The following PHACTR2 variants were observed in gnomAD, a reference collection of about 807,000 sequenced individuals.
The protein encoded by PHACTR2 is chromosome 6 open reading frame 56.
Under a neutral mutation model 76.0 loss-of-function variants are expected in PHACTR2, and 30 were observed. The observed-to-expected ratio is 0.39, with a 90% CI of 0.30 to 0.54. The LOEUF (loss-of-function observed/expected upper bound fraction) is 0.54, where lower values mean the gene tolerates loss of function less well. Among genes scored for constraint, PHACTR2 ranks in the 20% least tolerant of loss-of-function variants. The pLI is 0.61. For missense variants in PHACTR2, 696 were observed against 781.1 expected (o/e 0.89, Z 1.30); for synonymous variants, 292 against 292.5 (o/e 1.00, Z 0.02).
In PHACTR2 at chr6:143,556,854, ATTC is replaced by A. The variant is rs1775181542; in HGVS notation, c.217+19650_217+19652del. On this transcript the variant is annotated intron_variant, in intron 1 of 11. Transcript: ENST00000367584. This position sits in a 1 kb window ranked among gnomAD's most constrained non-coding sequence, Gnocchi z 4.3. ...TAAAGTGTGTCATTTAAGAGTAAGT[ATTC>A]TTTTTTAAAAATATGGGCCAGGAAC... 1.3e-5 allele frequency among the ~76,000 whole-genome samples: 2 copies of A among 152,220 alleles called. No individual in the cohort carries two copies. The highest frequency in any genetic ancestry group is 2.9e-5 in the Non-Finnish European group (2 of 68,034).
intron 1 of PHACTR2, among the ~76,000 whole-genome samples, chr6:143,669,700 C>CT (rs140729663): frequency 0.2 from 30,035 of 149,156 alleles, 3,496 homozygotes; most frequent in Middle Eastern, 0.32. Flanking sequence ...GCAACCCCTG[C>CT]TTTTTTTTTT....
rs1013882674 is a variant in PHACTR2, at chr6:143,818,623, G to T, written c.1923-5051G>T. Among the ~76,000 whole-genome samples the T allele has an allele frequency of 3.9e-5, 6 of 152,164 alleles. No homozygotes were observed. In the East Asian group the frequency reaches 1.2e-3, roughly 29 times the overall value. ...TGACTCACAGTTCCATGTGGCTGGG[G>T]AGGTCTCAGGAAACCTGCAATCCTG... On this transcript the variant is annotated intron_variant, in intron 12 of 12. Coordinates refer to ENST00000440869, the MANE Select transcript of PHACTR2 (RefSeq NM_001100164.2). This position sits in a 1 kb window ranked among gnomAD's most constrained non-coding sequence, Gnocchi z 4.9.
chr6:143,797,687 T>C (rs1407454064), intron 11 of PHACTR2, among the ~76,000 whole-genome samples: 1 of 152,200 alleles, frequency 6.6e-6, no homozygotes, highest in Non-Finnish European at 1.5e-5. Context: ...CCATCGCTTG[T>C]ATGTGTCAGG....
upstream of PHACTR2, among the ~76,000 whole-genome samples, chr6:143,674,999 A>G (rs1467553195): frequency 2.0e-5 from 3 of 152,192 alleles, no homozygotes; most frequent in East Asian, 5.8e-4. This position sits in a 1 kb window ranked among gnomAD's most constrained non-coding sequence, Gnocchi z 4.9. Flanking sequence ...TCCATCCAGG[A>G]GGAGTGCAAG....
At chr6:143,666,097 A>G (rs1777029195) in intron 1 of PHACTR2, among the ~76,000 whole-genome samples, 2 of 149,326 alleles carry the variant, frequency 1.3e-5, no homozygotes. Context: ...CTCATTGTTC[A>G]ACTCCCACTT....
rs565556028 is a variant in PHACTR2, at chr6:143,698,819, G to A, written c.47-13197G>A. ...AATAGCTGCTCAGTTAATTGTGCAT[G>A]AATGTTTCCGTTCCACAGTGAACAC... On this transcript the variant is annotated intron_variant, in intron 1 of 12. Transcript: ENST00000440869. This position sits in a 1 kb window ranked among gnomAD's most constrained non-coding sequence, Gnocchi z 4.3. Among the ~76,000 whole-genome samples, 1 of 152,332 alleles carries A rather than the reference G, an allele frequency of 6.6e-6. No homozygotes were observed. The highest frequency in any genetic ancestry group is 2.4e-5 in the African/African-American group (1 of 41,570).
In PHACTR2 at chr6:143,765,513, T is replaced by G. The variant is rs1284166134; in HGVS notation, c.947T>G (p.Leu316Arg). 1 of 1,614,170 alleles carries G rather than the reference T, an allele frequency of 6.2e-7. No individual in the cohort carries two copies. Among genetic ancestry groups the G allele is most frequent in the Admixed American group, 1.7e-5 (1 of 60,022 alleles). The part of the protein sequence containing the change: ...PAETRVESFK[L>R]EQTVPGAEEQ... Reference sequence around the variant, plus strand: ...GAGACCAGAGTGGAGAGTTTCAAACTCGAACAGACTGTCCCTGGAGCTGAG... The same window carrying G: ...GAGACCAGAGTGGAGAGTTTCAAACGCGAACAGACTGTCCCTGGAGCTGAG... The change falls in exon 6 of 13, where the codon CTC becomes CGC. Residue 316 changes from leucine to arginine, a missense_variant. Leu to Arg is a moderately radical substitution (Grantham distance 102). Coordinates refer to ENST00000440869, the MANE Select transcript of PHACTR2 (RefSeq NM_001100164.2). The surrounding 1 kb of genome is among the most constrained non-coding windows in gnomAD (Gnocchi z 4.1).
rs1337194595 is a variant in PHACTR2 at position 143,783,118 on chromosome 6, C to T, written c.1646-101C>T. The T allele has an allele frequency of 4.7e-6, 3 of 641,284 alleles. No homozygotes were observed. Among genetic ancestry groups the T allele is most frequent in the African/African-American group, 3.7e-5 (2 of 53,542 alleles). 39.7% of individuals were successfully genotyped at this position (641,284 alleles called of 1,614,324 possible). A position where few individuals can be genotyped will look rare whatever the true frequency, so the allele number is the denominator to read the frequency against. On this transcript the variant is annotated intron_variant, in intron 9 of 12. Coordinates refer to ENST00000440869, the MANE Select transcript of PHACTR2 (RefSeq NM_001100164.2). This position sits in a 1 kb window ranked among gnomAD's most constrained non-coding sequence, Gnocchi z 5.2. ...TAACAATGTTGGTTGTGTGTTTGAT[C>T]ATTATTTGTTAGAGTCACATGATCG...
rs1775051277 is a variant in PHACTR2, at chr6:143,549,222, G to A, written c.217+12015G>A. The stretch of plus-strand genomic sequence containing the variant: ...ATTCCTTCAGGAAGATTAATAGTGG[G>A]CCTCACATGGCAGATCAGGCCTAGG... On this transcript the variant is annotated intron_variant, in intron 1 of 11. Coordinates refer to the PHACTR2 transcript ENST00000367584. The surrounding 1 kb of genome is among the most constrained non-coding windows in gnomAD (Gnocchi z 4.2). 6.6e-6 allele frequency among the ~76,000 whole-genome samples: 1 copy of A among 151,982 alleles called. No individual in the cohort carries two copies. The highest frequency in any genetic ancestry group is 1.5e-5 in the Non-Finnish European group (1 of 67,954).
chr6:143,814,909 G>A (rs1229955024), intron 12 of PHACTR2, among the ~76,000 whole-genome samples: 1 of 152,006 alleles, frequency 6.6e-6, no homozygotes, highest in Non-Finnish European at 1.5e-5. Context: ...GCCCATATAA[G>A]TATTTTTTAA....
rs1778864684 is a variant in PHACTR2 at position 143,738,268 on chromosome 6, T to C, written c.215-10717T>C. ...CAGGAGGCTGAGGCAGGAGAATCGC[T>C]TGACCCGGGAGGCAGAGGTTGCAGT... is the stretch of plus-strand genomic sequence containing the variant. On this transcript the variant is annotated intron_variant, in intron 2 of 12. Coordinates refer to ENST00000440869, the MANE Select transcript of PHACTR2 (RefSeq NM_001100164.2). This position sits in a 1 kb window ranked among gnomAD's most constrained non-coding sequence, Gnocchi z 4.0. Among the ~76,000 whole-genome samples, 2 of 152,082 alleles carry C rather than the reference T, an allele frequency of 1.3e-5. No homozygotes were observed. The highest frequency in any genetic ancestry group is 4.8e-5 in the African/African-American group (2 of 41,396).
Position 143,599,564 on chromosome 6 carries a change from C to T in PHACTR2, c.217+62357C>T, listed in dbSNP as rs368815361. Among the ~76,000 whole-genome samples the T allele has an allele frequency of 6.6e-6, 1 of 152,100 alleles. No homozygotes were observed. The highest frequency in any genetic ancestry group is 1.9e-4 in the East Asian group (1 of 5,186). On this transcript the variant is annotated intron_variant, in intron 1 of 11. Coordinates refer to the PHACTR2 transcript ENST00000367584. The surrounding 1 kb of genome is among the most constrained non-coding windows in gnomAD (Gnocchi z 4.6). ...AGAAGTAACCCAACTTAACAAATGT[C>T]GTATTACTAAAGAAATGCTTATTAA...
chr6:143,778,552 G>A (rs533144047), intron 9 of PHACTR2, among the ~76,000 whole-genome samples: 1 of 152,024 alleles, frequency 6.6e-6, no homozygotes, highest in Non-Finnish European at 1.5e-5. Context: ...AGCCAATTTG[G>A]AGGAGGAAAA....
intron 1 of PHACTR2, among the ~76,000 whole-genome samples, chr6:143,685,510 T>C (rs1379874488): frequency 1.3e-5 from 2 of 152,126 alleles, no homozygotes; most frequent in Non-Finnish European, 2.9e-5. Context: ...CTAAGTGCTT[T>C]ACTTGAATTA....
At chr6:143,766,146 C>T (rs1779559271) in intron 6 of PHACTR2, among the ~76,000 whole-genome samples, 1 of 152,240 alleles carries the variant, frequency 6.6e-6, no homozygotes, top group South Asian at 2.1e-4. Context: ...CTACTCATGT[C>T]AGCAAGTTAC....
Position 143,689,764 on chromosome 6 carries a change from C to T in PHACTR2, c.46+11555C>T, listed in dbSNP as rs9376779. ...CTGGAGTGCAGTGGCCTGATTTCAG[C>T]TCACTGCAACCTCCGGCTCCTGGGT... On this transcript the variant is annotated intron_variant, in intron 1 of 12. Coordinates refer to ENST00000440869, the MANE Select transcript of PHACTR2 (RefSeq NM_001100164.2). This position sits in a 1 kb window ranked among gnomAD's most constrained non-coding sequence, Gnocchi z 4.4. Among the ~76,000 whole-genome samples, 29,907 of 150,266 alleles carry T rather than the reference C, an allele frequency of 0.2. 3,075 individuals are homozygous for T. The highest frequency in any genetic ancestry group is 0.37 in the East Asian group (1,872 of 5,074).
In PHACTR2 at chr6:143,760,013, A is replaced by G. The variant is rs1160146585; in HGVS notation, c.455-388A>G. ...GTAACGTGTTCATCTGCCACTCTCC[A>G]GGAGCCTTCAACTTTGTTAAATCAT... On this transcript the variant is annotated intron_variant, in intron 4 of 12. Coordinates refer to ENST00000440869, the MANE Select transcript of PHACTR2 (RefSeq NM_001100164.2). The surrounding 1 kb of genome is among the most constrained non-coding windows in gnomAD (Gnocchi z 6.4). Among the ~76,000 whole-genome samples the G allele has an allele frequency of 6.6e-6, 1 of 152,158 alleles. No individual in the cohort carries two copies. Among genetic ancestry groups the G allele is most frequent in the East Asian group, 1.9e-4 (1 of 5,194 alleles).
At chr6:143,638,000 G>C (rs1776492886) in intron 1 of PHACTR2, among the ~76,000 whole-genome samples, 1 of 152,184 alleles carries the variant, frequency 6.6e-6, no homozygotes, top group African/African-American at 2.4e-5. Flanking sequence ...CTAAGTGTCA[G>C]TCCACCACAA....
Position 143,776,466 on chromosome 6 carries a change from T to C in PHACTR2, c.1590-862T>C, listed in dbSNP as rs557929651. Among the ~76,000 whole-genome samples, 38 of 152,310 alleles carry C rather than the reference T, an allele frequency of 2.5e-4. No homozygotes were observed. Among genetic ancestry groups the C allele is most frequent in the Admixed American group, 4.6e-4 (7 of 15,292 alleles). ...AGAAAATACAATGAAAAAGGGAGAT[T>C]GCGTTCACGGCATAGCAACAACCGC... On this transcript the variant is annotated intron_variant, in intron 8 of 12. Coordinates refer to ENST00000440869, the MANE Select transcript of PHACTR2 (RefSeq NM_001100164.2). This position sits in a 1 kb window ranked among gnomAD's most constrained non-coding sequence, Gnocchi z 5.3.
Sources: gnomAD v4.1 joint callset for allele counts (sites outside exome capture counted in the v4.1 genomes callset) on GRCh38, gnomAD v4.1.1 for gene constraint, Gnocchi (gnomAD v3.1) non-coding constraint, MANE v1.5 for transcripts, NCBI Gene and HGNC (gene_info 2026-07-23, HGNC 2026-07-21) for gene names.